The following NSMAF variants were observed in gnomAD, a reference collection of about 807,000 sequenced individuals.
NSMAF encodes neutral sphingomyelinase activation associated factor, also known as protein FAN.
A neutral mutation model predicts 134.9 loss-of-function variants in NSMAF; 90 were observed. The observed-to-expected ratio is 0.67, with a 90% CI of 0.56 to 0.79. The LOEUF (loss-of-function observed/expected upper bound fraction) is 0.79, where lower values mean the gene tolerates loss of function less well. Ranked by LOEUF, NSMAF falls within the 30% of genes least tolerant of loss-of-function variation. The pLI, the probability that NSMAF is intolerant of heterozygous loss-of-function variation, is 0.00. For synonymous variants in NSMAF, 358 were observed against 389.6 expected, an observed-to-expected ratio of 0.92 and a Z score of 0.96; for missense variants, 1,010 against 1,119.0, an observed-to-expected ratio of 0.90 and a Z score of 1.39.
At chr8:58,624,022 G>A (rs2129144482) in intron 6 of NSMAF, among the ~76,000 whole-genome samples, 1 of 147,406 alleles carries the variant, frequency 6.8e-6, no homozygotes, top group South Asian at 2.2e-4. Flanking sequence ...AACCCTTAAG[G>A]TATAGAGTTA....
At chr8:58,644,785 G>A (rs956866281) in intron 1 of NSMAF, among the ~76,000 whole-genome samples, 9 of 152,246 alleles carry the variant, frequency 5.9e-5, no homozygotes, top group African/African-American at 2.2e-4. Context: ...CTATGCAGCC[G>A]TAAAAAAGGA....
chr8:58,659,260 G>A (rs769092917), intron 1 of NSMAF: 1 of 1,509,446 alleles, frequency 6.6e-7, no homozygotes. Flanking sequence ...GGCCTTCCGG[G>A]TGAGCTGCCC....
chr8:58,607,389 A>G (rs1267562861), intron 11 of NSMAF, among the ~76,000 whole-genome samples: 1 of 152,224 alleles, frequency 6.6e-6, no homozygotes, highest in African/African-American at 2.4e-5. Flanking sequence ...TAATTTTGTA[A>G]CATCTTCCAG....
At chr8:58,600,270 T>C (rs1806249036) in intron 16 of NSMAF, 1 of 491,754 alleles carries the variant, frequency 2.0e-6, no homozygotes, top group African/African-American at 2.0e-5. Context: ...CACCATTAGC[T>C]ACCATATACA....
chr8:58,601,223 G>T (rs1806270933), intron 16 of NSMAF, 62 bp downstream of exon 16: 20 of 1,331,856 alleles, frequency 1.5e-5, no homozygotes, highest in Non-Finnish European at 2.1e-5. Context: ...TTTGAAACAA[G>T]TATGTTGTAT....
chr8:58,626,827 A>C (rs1353381342), intron 6 of NSMAF, among the ~76,000 whole-genome samples: 1 of 152,208 alleles, frequency 6.6e-6, no homozygotes, highest in Non-Finnish European at 1.5e-5. Context: ...TCCTACCAGC[A>C]GTGTAAAAGT....
rs896214498 is a variant in NSMAF, at chr8:58,643,951, A to G, written c.60-878T>C. Among the ~76,000 whole-genome samples the G allele has an allele frequency of 2.0e-5, 3 of 152,384 alleles. No individual in the cohort carries two copies. In the East Asian group the frequency reaches 5.8e-4, roughly 29 times the overall value. ...TGAAATATAGTTCTTTTTAAAGTTGAAAGTCATTTAAACTTTTAAAAACAA... is the reference window on the plus strand; with the variant it reads ...TGAAATATAGTTCTTTTTAAAGTTGGAAGTCATTTAAACTTTTAAAAACAA... On this transcript the variant is annotated intron_variant, in intron 1 of 30. Coordinates refer to ENST00000038176, the MANE Select transcript of NSMAF (RefSeq NM_003580.4).
In NSMAF at chr8:58,658,765, A is replaced by C. The variant is rs546809296; in HGVS notation, c.59+808T>G. On this transcript the variant is annotated intron_variant, in intron 1 of 30. Coordinates refer to ENST00000038176, the MANE Select transcript of NSMAF (RefSeq NM_003580.4). ...ACATAGAGCCGAAGTGAGCTTTCTT[A>C]TGAGACTTCCCTTGGGGACAGGTCC... Among the ~76,000 whole-genome samples the C allele has an allele frequency of 6.6e-5, 10 of 152,324 alleles. No individual in the cohort carries two copies. The East Asian group carries it at 1.9e-3, about 29-fold the overall frequency.
chr8:58,584,268 G>C, intron 30 of NSMAF, 68 bp from the exon 31 acceptor site: 1 of 1,087,388 alleles, frequency 9.2e-7, no homozygotes, highest in Non-Finnish European at 1.4e-6. Flanking sequence ...ACTTTACTCT[G>C]ATGCTTACTC....
intron 1 of NSMAF, among the ~76,000 whole-genome samples, chr8:58,647,981 G>C (rs191686135): frequency 1.3e-5 from 2 of 152,300 alleles, no homozygotes; most frequent in African/African-American, 4.8e-5. Context: ...GAAGAGACCA[G>C]GAAGACAAGG....
intron 9 of NSMAF, among the ~76,000 whole-genome samples, chr8:58,610,519 G>A (rs1203450079): frequency 1.3e-5 from 2 of 152,206 alleles, no homozygotes; most frequent in African/African-American, 4.8e-5. Context: ...AAATGAGCTG[G>A]ATATACTGAA....
At chr8:58,592,984 C>T (rs925128241) in intron 23 of NSMAF, among the ~76,000 whole-genome samples, 1 of 152,040 alleles carries the variant, frequency 6.6e-6, no homozygotes, top group African/African-American at 2.4e-5. Flanking sequence ...CTTAATAAGC[C>T]TCAGTGGTTT....
intron 6 of NSMAF, among the ~76,000 whole-genome samples, chr8:58,627,000 T>C (rs1228688273): frequency 1.3e-5 from 2 of 152,232 alleles, no homozygotes; most frequent in African/African-American, 4.8e-5. Context: ...GTTGTTTGTA[T>C]GTCTTCTTTT....
At chr8:58,651,798 G>T (rs1258884962) in intron 1 of NSMAF, among the ~76,000 whole-genome samples, 1 of 152,160 alleles carries the variant, frequency 6.6e-6, no homozygotes, top group Non-Finnish European at 1.5e-5. Context: ...AATCAACTGG[G>T]GATCTTGTTA....
intron 1 of NSMAF, among the ~76,000 whole-genome samples, chr8:58,659,031 G>C (rs1807788846): frequency 6.6e-6 from 1 of 152,182 alleles, no homozygotes; most frequent in Admixed American, 6.5e-5. Context: ...AGCTAGTCCT[G>C]TGTCTAAAGG....
At chr8:58,647,949 C>G (rs538898290) in intron 1 of NSMAF, among the ~76,000 whole-genome samples, 1 of 152,238 alleles carries the variant, frequency 6.6e-6, no homozygotes, top group African/African-American at 2.4e-5. Context: ...CAGGCAGAAG[C>G]TGGAAGAGTT....
At chr8:58,596,408 C>G (rs1806135347) in intron 21 of NSMAF, among the ~76,000 whole-genome samples, 1 of 152,166 alleles carries the variant, frequency 6.6e-6, no homozygotes, top group Admixed American at 6.5e-5. Flanking sequence ...GTGTCAACCT[C>G]CTTCTGGAAG....
At position 58,595,555 on chromosome 8, in the gene NSMAF, C is replaced by T. The variant is rs1806118564; in HGVS notation, c.1892+5G>A. On this transcript the variant is annotated splice_donor_5th_base_variant and intron_variant, in intron 22 of 30. Transcript: ENST00000038176. ...GCTGCTGAGAAGAAGCAGAGATATT[C>T]TTACTCTTTGTGGATTTTATAGTGC... 1 of 1,597,952 alleles carries T rather than the reference C, an allele frequency of 6.3e-7. No individual in the cohort carries two copies. The highest frequency in any genetic ancestry group is 8.6e-7 in the Non-Finnish European group (1 of 1,165,404).
chr8:58,595,546 A>C lies in NSMAF; in HGVS notation c.1892+14T>G. On this transcript the variant is annotated intron_variant, in intron 22 of 30. Transcript: ENST00000038176. ...GGACTATCAGCTGCTGAGAAGAAGCAGAGATATTCTTACTCTTTGTGGATT... is the reference window on the plus strand; with the variant it reads ...GGACTATCAGCTGCTGAGAAGAAGCCGAGATATTCTTACTCTTTGTGGATT... The C allele has an allele frequency of 7.7e-6, 12 of 1,563,286 alleles. No individual in the cohort carries two copies. Among genetic ancestry groups the C allele is most frequent in the African/African-American group, 1.3e-5 (1 of 74,128 alleles).
Sources: allele counts gnomAD v4.1 joint callset (sites outside exome capture counted in the v4.1 genomes callset), GRCh38; gene constraint gnomAD v4.1.1; transcripts MANE v1.5; gene names NCBI Gene and HGNC (gene_info 2026-07-23, HGNC 2026-07-21).